CFHR2: variants seen among roughly 807,000 people sequenced by gnomAD.
CFHR2 encodes the protein complement factor H related 2.
Under a neutral mutation model 21.7 loss-of-function variants are expected in CFHR2, and 22 were observed. The ratio of observed to expected loss-of-function variants is 1.01; its 90% confidence interval spans 0.72 to 1.45. CFHR2 has a LOEUF of 1.45. Ranked by LOEUF, CFHR2 falls within the 40% of genes most tolerant of loss-of-function variation. The pLI, the probability that CFHR2 is intolerant of heterozygous loss-of-function variation, is 0.00. For missense variants in CFHR2, 294 were observed against 293.3 expected, an observed-to-expected ratio of 1.00 and a Z score of -0.02; for synonymous variants, 98 against 97.4, an observed-to-expected ratio of 1.01 and a Z score of -0.04.
chr1:196,956,458 A>C (rs1253306324), intron 3 of CFHR2, among the ~76,000 whole-genome samples: 1 of 152,058 alleles, frequency 6.6e-6, no homozygotes, highest in Non-Finnish European at 1.5e-5. Flanking sequence ...TTTCAGCTCA[A>C]TACTTTTTCT....
chr1:196,948,222 A>G (rs989418654), intron 1 of CFHR2, among the ~76,000 whole-genome samples: 1 of 152,084 alleles, frequency 6.6e-6, no homozygotes, highest in Non-Finnish European at 1.5e-5. Flanking sequence ...AGACAGAATG[A>G]TGTAGTATTT....
chr1:196,958,802 A>G lies in CFHR2; in HGVS notation c.614-79A>G, dbSNP rs540869296. 1.9e-5 allele frequency: 17 copies of G among 890,776 alleles called. No individual in the cohort carries two copies. In the South Asian group the frequency reaches 2.8e-4, roughly 15 times the overall value. 55.2% of individuals were successfully genotyped at this position (890,776 alleles called of 1,614,324 possible). ...AGAAGTAATTCCTCAACCATCATATAACATTCTACTTGAAAACCTGAGTCT... is the reference window on the plus strand; with the variant it reads ...AGAAGTAATTCCTCAACCATCATATGACATTCTACTTGAAAACCTGAGTCT... On this transcript the variant is annotated intron_variant, in intron 4 of 4. Coordinates refer to ENST00000367415, the MANE Select transcript of CFHR2 (RefSeq NM_005666.4).
intron 1 of CFHR2, among the ~76,000 whole-genome samples, chr1:196,948,116 A>G (rs772876903): frequency 1.3e-5 from 2 of 152,152 alleles, no homozygotes; most frequent in Non-Finnish European, 2.9e-5. Flanking sequence ...GTATATATAC[A>G]TATATACACT....
intron 1 of CFHR2, among the ~76,000 whole-genome samples, chr1:196,946,453 A>G (rs1428754277): frequency 6.6e-6 from 1 of 152,138 alleles, no homozygotes; most frequent in Non-Finnish European, 1.5e-5. Flanking sequence ...GTCTTTCGAG[A>G]TAATATTTAG....
intron 2 of CFHR2, 145 bp downstream of exon 2, chr1:196,949,794 A>G: frequency 3.0e-6 from 3 of 1,009,786 alleles, no homozygotes; most frequent in South Asian, 1.4e-5. Flanking sequence ...CTATTTTGAG[A>G]TGGCTCCTAT....
At chr1:196,953,935 T>C (rs1189920964) in intron 3 of CFHR2, among the ~76,000 whole-genome samples, 1 of 152,160 alleles carries the variant, frequency 6.6e-6, no homozygotes, top group Non-Finnish European at 1.5e-5. Flanking sequence ...GAACTAACCA[T>C]TAATGAAAGA....
intron 3 of CFHR2, among the ~76,000 whole-genome samples, chr1:196,956,096 C>A (rs868091916): frequency 2.0e-5 from 3 of 152,136 alleles, no homozygotes; most frequent in African/African-American, 4.8e-5. Context: ...AACCACCCCC[C>A]ACCAGGTCTC....
At chr1:196,947,399 A>T (rs202238335) in intron 1 of CFHR2, among the ~76,000 whole-genome samples, 1 of 152,146 alleles carries the variant, frequency 6.6e-6, no homozygotes. Context: ...AGAATATGTA[A>T]GTACAAATGT....
chr1:196,946,618 G>A (rs565211454), intron 1 of CFHR2, among the ~76,000 whole-genome samples: 45 of 152,060 alleles, frequency 3.0e-4, no homozygotes, highest in African/African-American at 9.4e-4. Context: ...GCCTACAAAG[G>A]GTTAGGATCA....
intron 3 of CFHR2, among the ~76,000 whole-genome samples, chr1:196,955,572 G>A (rs1274600982): frequency 1.3e-5 from 2 of 152,206 alleles, no homozygotes; most frequent in African/African-American, 4.8e-5. Context: ...GGTTTGGCCA[G>A]ACATGGTGGC....
intron 3 of CFHR2, among the ~76,000 whole-genome samples, chr1:196,953,582 C>A (rs1275509411): frequency 1.3e-5 from 2 of 152,178 alleles, no homozygotes; most frequent in African/African-American, 2.4e-5. Context: ...TGTACCCAGA[C>A]AGATCAATTG....
rs1571499824 is a variant in CFHR2, at chr1:196,959,186, T to C, written c.*106T>C. 4 of 845,466 alleles carry C rather than the reference T, an allele frequency of 4.7e-6. No individual in the cohort carries two copies. The East Asian group carries it at 1.1e-4, about 23-fold the overall frequency. 52.4% of individuals were successfully genotyped at this position (845,466 alleles called of 1,614,324 possible). A position where few individuals can be genotyped will look rare whatever the true frequency, so the allele number is the denominator to read the frequency against. On this transcript the variant is annotated 3_prime_UTR_variant, in exon 5 of 5. Transcript: ENST00000367415. The stretch of plus-strand genomic sequence containing the variant: ...GTACTGTTTTACTCATTTTTATTCA[T>C]AAATAAAGTTTTGTGTTGATTTGTG...
chr1:196,959,068 TGAA>T lies in CFHR2; in HGVS notation c.805_807del (p.Glu269del). On this transcript the variant is annotated inframe_deletion, in exon 5 of 5. Transcript: ENST00000367415. ...ATGGGAAACTGGTATATCCCAGTTGTGAAGAAAAATAGAATCAATGGCATTACT... is the reference window on the plus strand; with the variant it reads ...ATGGGAAACTGGTATATCCCAGTTGTGAAAAATAGAATCAATGGCATTACT... 6.3e-7 allele frequency: 1 copy of T among 1,598,982 alleles called. No individual in the cohort carries two copies. The highest frequency in any genetic ancestry group is 8.5e-7 in the Non-Finnish European group (1 of 1,171,642).
At chr1:196,947,427 T>G (rs1659549061) in intron 1 of CFHR2, among the ~76,000 whole-genome samples, 1 of 152,184 alleles carries the variant, frequency 6.6e-6, no homozygotes, top group South Asian at 2.1e-4. Flanking sequence ...TAAACTACTA[T>G]AATTTTGGAG....
At chr1:196,955,576 T>A (rs1004197856) in intron 3 of CFHR2, among the ~76,000 whole-genome samples, 2 of 152,154 alleles carry the variant, frequency 1.3e-5, no homozygotes, top group Non-Finnish European at 2.9e-5. Flanking sequence ...TGGCCAGACA[T>A]GGTGGCTCAC....
At chr1:196,953,623 ATT>A (rs1273651162) in intron 3 of CFHR2, among the ~76,000 whole-genome samples, 1 of 152,180 alleles carries the variant, frequency 6.6e-6, no homozygotes, top group African/African-American at 2.4e-5. Flanking sequence ...TTACAATTAG[ATT>A]TTTTAAAAGA....
chr1:196,946,452 G>A (rs1195165877), intron 1 of CFHR2, among the ~76,000 whole-genome samples: 1 of 151,992 alleles, frequency 6.6e-6, no homozygotes, highest in African/African-American at 2.4e-5. Context: ...TGTCTTTCGA[G>A]ATAATATTTA....
intron 1 of CFHR2, among the ~76,000 whole-genome samples, chr1:196,944,407 G>T (rs1355826283): frequency 6.6e-6 from 1 of 151,916 alleles, no homozygotes; most frequent in Admixed American, 6.6e-5. Flanking sequence ...CTTCAACAGA[G>T]GGAAATATAT....
intron 4 of CFHR2, among the ~76,000 whole-genome samples, 153 bp downstream of exon 4, chr1:196,958,226 G>T (rs1466069575): frequency 6.6e-6 from 1 of 151,880 alleles, no homozygotes; most frequent in African/African-American, 2.4e-5. Context: ...GTAAAGTTTA[G>T]AAATTTTTCT....
Sources: allele counts gnomAD v4.1 joint callset (sites outside exome capture counted in the v4.1 genomes callset), GRCh38; gene constraint gnomAD v4.1.1; transcripts MANE v1.5; gene names NCBI Gene and HGNC (gene_info 2026-07-23, HGNC 2026-07-21).